The following ARHGAP42 variants were observed in gnomAD, a reference collection of about 807,000 sequenced individuals.
ARHGAP42 encodes the protein Rho GTPase activating protein 42.
ARHGAP42 carries 63 observed loss-of-function variants against 125.0 expected under a neutral mutation model. The ratio of observed to expected loss-of-function variants is 0.50; its 90% CI spans 0.41 to 0.62. The LOEUF is 0.62. Ranked by LOEUF, ARHGAP42 falls within the 20% of genes least tolerant of loss-of-function variation. The pLI, the probability that ARHGAP42 is intolerant of heterozygous loss-of-function variation, is 0.00. For missense variants in ARHGAP42, 766 were observed against 1,024.2 expected (o/e 0.75, Z 3.44); for synonymous variants, 339 against 351.0 (o/e 0.97, Z 0.38).
chr11:100,926,616 C>T (rs637508), intron 6 of ARHGAP42, among the ~76,000 whole-genome samples: 134,981 of 152,250 alleles, frequency 0.89, 59,917 homozygotes, highest in East Asian at 1. Context: ...ATATGGCACA[C>T]TTTACAAATG....
At chr11:100,935,914 T>C (rs562164338) in intron 7 of ARHGAP42, among the ~76,000 whole-genome samples, 49 of 152,178 alleles carry the variant, frequency 3.2e-4, no homozygotes, top group African/African-American at 1.2e-3. Context: ...AACAAATTGC[T>C]TGAGCCCGGG....
intron 22 of ARHGAP42, among the ~76,000 whole-genome samples, chr11:100,979,583 T>A (rs1167404992): frequency 6.6e-6 from 1 of 152,208 alleles, no homozygotes; most frequent in Non-Finnish European, 1.5e-5. Context: ...TCTACTAATG[T>A]GCTTGCTTCT....
At chr11:100,698,191 T>G (rs1861319676) in intron 1 of ARHGAP42, among the ~76,000 whole-genome samples, 1 of 152,146 alleles carries the variant, frequency 6.6e-6, no homozygotes, top group Admixed American at 6.6e-5. Flanking sequence ...ACACTCAGCC[T>G]TCAACTGTTT....
chr11:100,811,657 G>C (rs12801715), intron 3 of ARHGAP42, among the ~76,000 whole-genome samples: 38,016 of 151,746 alleles, frequency 0.25, 5,777 homozygotes, highest in East Asian at 0.51. Flanking sequence ...GCACCACCAC[G>C]CCTGGTTAAG....
chr11:100,780,795 G>A (rs1370323806), intron 2 of ARHGAP42, among the ~76,000 whole-genome samples: 2 of 152,060 alleles, frequency 1.3e-5, no homozygotes, highest in Non-Finnish European at 2.9e-5. Flanking sequence ...AATTTTTTTT[G>A]GAGGACACCA....
intron 3 of ARHGAP42, among the ~76,000 whole-genome samples, chr11:100,822,040 T>A (rs1353085962): frequency 1.2e-4 from 18 of 152,134 alleles, no homozygotes; most frequent in Admixed American, 1.2e-3. Context: ...TAAAATATTG[T>A]GACATTTCAC....
intron 4 of ARHGAP42, among the ~76,000 whole-genome samples, chr11:100,874,764 C>G (rs1250221171): frequency 6.6e-6 from 1 of 152,100 alleles, no homozygotes; most frequent in Non-Finnish European, 1.5e-5. Context: ...AAATGTATTC[C>G]TTTCCTTCCC....
intron 4 of ARHGAP42, among the ~76,000 whole-genome samples, chr11:100,881,613 G>T (rs1289489137): frequency 6.6e-6 from 1 of 152,130 alleles, no homozygotes; most frequent in Non-Finnish European, 1.5e-5. Flanking sequence ...GTTATGTGAA[G>T]AATGATGGTG....
At chr11:100,971,188 T>G (rs567567258) in intron 17 of ARHGAP42, among the ~76,000 whole-genome samples, 1 of 152,022 alleles carries the variant, frequency 6.6e-6, no homozygotes, top group Non-Finnish European at 1.5e-5. Flanking sequence ...ATTCTTTAAG[T>G]TTTTTTTATA....
intron 12 of ARHGAP42, among the ~76,000 whole-genome samples, chr11:100,958,789 T>C (rs1944432): frequency 0.59 from 89,500 of 151,812 alleles, 27,197 homozygotes; most frequent in African/African-American, 0.68. Flanking sequence ...TACCTCTTCA[T>C]AGTAGTACCT....
At chr11:100,814,694 A>G (rs973187656) in intron 3 of ARHGAP42, among the ~76,000 whole-genome samples, 2 of 152,080 alleles carry the variant, frequency 1.3e-5, no homozygotes, top group Non-Finnish European at 2.9e-5. Flanking sequence ...GGGGCTACAA[A>G]CTTTTTAAAA....
intron 3 of ARHGAP42, among the ~76,000 whole-genome samples, chr11:100,811,878 C>T (rs1299947608): frequency 6.6e-6 from 1 of 152,134 alleles, no homozygotes; most frequent in Non-Finnish European, 1.5e-5. Flanking sequence ...AGTTCACTAC[C>T]TCATTTATGG....
intron 16 of ARHGAP42, among the ~76,000 whole-genome samples, chr11:100,963,484 A>G (rs1451989220): frequency 6.6e-6 from 1 of 152,194 alleles, no homozygotes; most frequent in Non-Finnish European, 1.5e-5. Context: ...ATTTTTCACA[A>G]TCCAAGAAAT....
chr11:100,687,771 A>G lies in ARHGAP42; in HGVS notation c.93A>G (p.Arg31=). 6.4e-7 allele frequency: 1 copy of G among 1,551,114 alleles called. No homozygotes were observed. Among genetic ancestry groups the G allele is most frequent in the Admixed American group, 2.0e-5 (1 of 50,994 alleles). The change falls in exon 1 of 24, where the codon CGA becomes CGG. Residue 31 remains arginine (R), a synonymous_variant. Coordinates refer to ENST00000298815, the MANE Select transcript of ARHGAP42 (RefSeq NM_152432.4). ...RLQCHEIELE[R]TNKFIKELIK... Reference sequence around the variant, plus strand: ...AGTGTCACGAGATTGAGCTGGAGCGAACCAACAAGTTCATCAAGGAGCTCA... The same window carrying G: ...AGTGTCACGAGATTGAGCTGGAGCGGACCAACAAGTTCATCAAGGAGCTCA...
At chr11:100,883,953 A>G (rs73571626) in intron 4 of ARHGAP42, among the ~76,000 whole-genome samples, 2,670 of 152,248 alleles carry the variant, frequency 0.018, 81 homozygotes, top group African/African-American at 0.06. Context: ...TGAGCAATTC[A>G]ATGCTAGAAT....
chr11:100,773,184 AT>A (rs569556664), intron 2 of ARHGAP42, among the ~76,000 whole-genome samples: 85 of 152,236 alleles, frequency 5.6e-4, no homozygotes, highest in Middle Eastern at 3.4e-3. Context: ...CAGAAGCCAG[AT>A]TTTTTTCTTT....
intron 3 of ARHGAP42, among the ~76,000 whole-genome samples, chr11:100,852,468 A>G (rs1865226940): frequency 6.6e-6 from 1 of 152,216 alleles, no homozygotes; most frequent in South Asian, 2.1e-4. Context: ...TTAGTAGGGA[A>G]TACCAAGAAG....
chr11:100,807,321 G>A (rs891131691), intron 3 of ARHGAP42, among the ~76,000 whole-genome samples: 5 of 151,716 alleles, frequency 3.3e-5, no homozygotes, highest in Admixed American at 2.6e-4. Flanking sequence ...TCAGCCTCCT[G>A]AGTAGCTGAG....
intron 4 of ARHGAP42, among the ~76,000 whole-genome samples, chr11:100,880,389 T>A (rs1048771608): frequency 6.6e-6 from 1 of 152,234 alleles, no homozygotes; most frequent in Admixed American, 6.5e-5. Context: ...TCACTTAGAA[T>A]AATAGTCTCC....
Sources: allele counts gnomAD v4.1 joint callset (sites outside exome capture counted in the v4.1 genomes callset), GRCh38; gene constraint gnomAD v4.1.1; transcripts MANE v1.5; gene names NCBI Gene and HGNC (gene_info 2026-07-23, HGNC 2026-07-21).